MECOM: variants seen among roughly 807,000 people sequenced by gnomAD.
MECOM encodes histone-lysine N-methyltransferase MECOM.
In MECOM, 13 loss-of-function variants were observed where a neutral mutation model predicts 116.3. The observed-to-expected ratio is 0.11, with a 90% CI of 0.07 to 0.18. The LOEUF is 0.18. Ranked by LOEUF, MECOM falls within the 10% of genes least tolerant of loss-of-function variation. The pLI is 1.00. For synonymous variants in MECOM, 528 were observed against 535.2 expected (o/e 0.99, Z 0.19); for missense variants, 1,299 against 1,509.0 (o/e 0.86, Z 2.31).
At chr3:169,470,746 A>C (rs1372764112) in intron 1 of MECOM, among the ~76,000 whole-genome samples, 1 of 152,178 alleles carries the variant, frequency 6.6e-6, no homozygotes, top group Admixed American at 6.5e-5. Flanking sequence ...AGTATAAGTT[A>C]TGAGGAATCT....
chr3:169,406,075 A>T (rs375876117), intron 1 of MECOM, among the ~76,000 whole-genome samples: 1 of 152,222 alleles, frequency 6.6e-6, no homozygotes, highest in Non-Finnish European at 1.5e-5. Flanking sequence ...TTGTTTAGCC[A>T]TTAATGATAT....
At chr3:169,458,918 G>T (rs1045188046) in intron 1 of MECOM, among the ~76,000 whole-genome samples, 2 of 152,158 alleles carry the variant, frequency 1.3e-5, no homozygotes, top group African/African-American at 4.8e-5. Flanking sequence ...TTAATATGAT[G>T]AATCATGGTG....
At chr3:169,479,365 C>T (rs1750944440) in intron 1 of MECOM, among the ~76,000 whole-genome samples, 1 of 151,392 alleles carries the variant, frequency 6.6e-6, no homozygotes, top group Non-Finnish European at 1.5e-5. Context: ...GCAGAGGTAA[C>T]AAAGACCCTA....
At chr3:169,631,121 C>T (rs1577192529) in intron 1 of MECOM, among the ~76,000 whole-genome samples, 1 of 152,382 alleles carries the variant, frequency 6.6e-6, no homozygotes, top group South Asian at 2.1e-4. Context: ...GGGATCAGTG[C>T]CCTGGCTTCA....
At chr3:169,385,676 A>C (rs1185660442) in intron 1 of MECOM, among the ~76,000 whole-genome samples, 1 of 152,198 alleles carries the variant, frequency 6.6e-6, no homozygotes, top group Non-Finnish European at 1.5e-5. Flanking sequence ...TTACTCAAAA[A>C]CTATCCAAAA....
At chr3:169,489,081 T>C (rs556109456) in intron 1 of MECOM, among the ~76,000 whole-genome samples, 2 of 152,112 alleles carry the variant, frequency 1.3e-5, no homozygotes, top group East Asian at 1.9e-4. Flanking sequence ...TTTTAAATGC[T>C]AGATAGACTA....
intron 2 of MECOM, among the ~76,000 whole-genome samples, chr3:169,314,274 G>C (rs1258510945): frequency 1.3e-5 from 2 of 152,198 alleles, no homozygotes; most frequent in African/African-American, 4.8e-5. Flanking sequence ...CTCCAAAATT[G>C]CTGCACAATG....
chr3:169,163,434 G>C (rs1743133842), intron 2 of MECOM, among the ~76,000 whole-genome samples: 1 of 152,060 alleles, frequency 6.6e-6, no homozygotes, highest in Non-Finnish European at 1.5e-5. Flanking sequence ...AGTAATAGAA[G>C]TAATAGACAC....
intron 1 of MECOM, among the ~76,000 whole-genome samples, chr3:169,591,643 A>G (rs570606237): frequency 6.6e-6 from 1 of 152,220 alleles, no homozygotes; most frequent in Admixed American, 6.5e-5. Context: ...AACCCGTGCT[A>G]ATCACCTATT....
chr3:169,607,508 T>C (rs1349635584), intron 1 of MECOM, among the ~76,000 whole-genome samples: 1 of 152,252 alleles, frequency 6.6e-6, no homozygotes. Context: ...TTTATTTTTC[T>C]CCTACCACTA....
intron 1 of MECOM, among the ~76,000 whole-genome samples, chr3:169,516,630 G>A (rs547533061): frequency 9.9e-5 from 15 of 152,234 alleles, no homozygotes; most frequent in African/African-American, 3.6e-4. Context: ...ATGACCACAT[G>A]TGACAGACCC....
intron 1 of MECOM, among the ~76,000 whole-genome samples, chr3:169,529,368 G>C (rs1758319804): frequency 6.6e-6 from 1 of 152,202 alleles, no homozygotes; most frequent in Non-Finnish European, 1.5e-5. Flanking sequence ...TTGATTGAGG[G>C]ACCTTCCCCT....
At chr3:169,113,514 CAGAT>C (rs1465277574) in intron 8 of MECOM, among the ~76,000 whole-genome samples, 1 of 151,450 alleles carries the variant, frequency 6.6e-6, no homozygotes, top group African/African-American at 2.4e-5. Context: ...AGAAGGCAGG[CAGAT>C]AGAATGGGTG....
At chr3:169,612,725 C>A (rs1209877130) in intron 1 of MECOM, among the ~76,000 whole-genome samples, 2 of 152,096 alleles carry the variant, frequency 1.3e-5, no homozygotes, top group African/African-American at 4.8e-5. Context: ...AACATAGAAC[C>A]CACAAATTCT....
At chr3:169,093,165 ACT>A in intron 13 of MECOM, 63 bp from the exon 14 acceptor site, 1 of 1,492,326 alleles carries the variant, frequency 6.7e-7, no homozygotes, top group Non-Finnish European at 9.0e-7. Context: ...TTATTTGGAA[ACT>A]CACTCCTTAT....
At chr3:169,217,230 G>A (rs191932943) in intron 2 of MECOM, among the ~76,000 whole-genome samples, 1 of 152,004 alleles carries the variant, frequency 6.6e-6, no homozygotes, top group East Asian at 1.9e-4. Context: ...CCCACCTCTT[G>A]CCTGCATACA....
chr3:169,107,343 C>A (rs1265262535), intron 10 of MECOM, among the ~76,000 whole-genome samples: 1 of 152,102 alleles, frequency 6.6e-6, no homozygotes, highest in East Asian at 1.9e-4. Flanking sequence ...TTAATTGAAA[C>A]TGACTGGATC....
chr3:169,099,422 C>T (rs2148932490), intron 12 of MECOM, among the ~76,000 whole-genome samples: 1 of 152,218 alleles, frequency 6.6e-6, no homozygotes, highest in East Asian at 1.9e-4. Flanking sequence ...TTACATCTCT[C>T]TGAGACCTGT....
chr3:169,446,006 A>G (rs974471509), intron 1 of MECOM, among the ~76,000 whole-genome samples: 1 of 152,196 alleles, frequency 6.6e-6, no homozygotes, highest in Non-Finnish European at 1.5e-5. Context: ...CTAGGAAGCA[A>G]CTAGGTTGTT....
Sources: gnomAD v4.1 joint callset for allele counts (sites outside exome capture counted in the v4.1 genomes callset) on GRCh38, gnomAD v4.1.1 for gene constraint, MANE v1.5 for transcripts, NCBI Gene and HGNC (gene_info 2026-07-23, HGNC 2026-07-21) for gene names.